The following SBSPON variants were observed in gnomAD, a reference collection of about 807,000 sequenced individuals.
SBSPON encodes somatomedin B and thrombospondin type 1 domain containing.
In SBSPON, 30 loss-of-function variants were observed where a neutral mutation model predicts 35.8. The ratio of observed to expected loss-of-function variants is 0.84; its 90% CI spans 0.63 to 1.14. The LOEUF is 1.14. Among genes scored for constraint, SBSPON ranks in the 50% most tolerant of loss-of-function variants. The pLI is 0.00. For missense variants in SBSPON, 364 were observed against 357.7 expected, an observed-to-expected ratio of 1.02 and a Z score of -0.14; for synonymous variants, 136 against 135.9, an observed-to-expected ratio of 1.00 and a Z score of 0.00.
At chr8:73,075,837 G>A in intron 2 of SBSPON, 1 of 567,368 alleles carries the variant, frequency 1.8e-6, no homozygotes, top group Non-Finnish European at 2.2e-6. Flanking sequence ...CTCCTTTTAG[G>A]AGGAAAACAC....
At chr8:73,068,638 G>A (rs1253786233) in intron 4 of SBSPON, among the ~76,000 whole-genome samples, 4 of 152,140 alleles carry the variant, frequency 2.6e-5, no homozygotes, top group Non-Finnish European at 5.9e-5. Context: ...AATTATTTCA[G>A]AGAAATCTAC....
chr8:73,074,983 C>T (rs1810565320), intron 2 of SBSPON, among the ~76,000 whole-genome samples: 1 of 152,218 alleles, frequency 6.6e-6, no homozygotes, highest in Admixed American at 6.5e-5. Context: ...TAGTAAGTGA[C>T]TAAGCAAGGA....
intron 2 of SBSPON, among the ~76,000 whole-genome samples, chr8:73,072,266 AATAAG>A (rs1431859581): frequency 6.8e-6 from 1 of 148,052 alleles, no homozygotes; most frequent in Non-Finnish European, 1.5e-5. Context: ...GAAAGGGAGA[AATAAG>A]ATAATAAAAG....
chr8:73,066,871 A>G lies in SBSPON; in HGVS notation c.*470T>C, dbSNP rs1365999312. On this transcript the variant is annotated 3_prime_UTR_variant, in exon 5 of 5. Transcript: ENST00000297354. The stretch of plus-strand genomic sequence containing the variant: ...CTTGAAATTATTTCAGAATTTATGG[A>G]ATATTAAATATATGGAAATATATGT... 6.6e-6 allele frequency: 1 copy of G among 151,500 alleles called. No homozygotes were observed. Among genetic ancestry groups the G allele is most frequent in the Non-Finnish European group, 1.5e-5 (1 of 67,698 alleles). 9.4% of individuals were successfully genotyped at this position (151,500 alleles called of 1,614,324 possible).
At chr8:73,068,423 T>G (rs1336940415) in intron 4 of SBSPON, among the ~76,000 whole-genome samples, 1 of 152,174 alleles carries the variant, frequency 6.6e-6, no homozygotes, top group Non-Finnish European at 1.5e-5. Context: ...AGGCCCATAT[T>G]TTACCTTTTA....
In SBSPON at chr8:73,081,046, G is replaced by A; in HGVS notation, c.382C>T (p.Gln128Ter). ...RAGCLEYSTPQGQDCGHTYVP... is the reference protein window; with the variant it reads ...RAGCLEYSTP ...TAGGTGTGCCCGCAGTCCTGGCCCT[G>A]CGGGGTGGAGTACTCCAGGCAGCCA... The change falls in exon 2 of 5, where the codon CAG becomes TAG. Residue 128 changes from glutamine (Q) to a stop codon, truncating the protein, a stop_gained. Transcript: ENST00000297354. LOFTEE classifies it high-confidence loss of function. 3 of 1,609,300 alleles carry A rather than the reference G, an allele frequency of 1.9e-6. No individual in the cohort carries two copies. Among genetic ancestry groups the A allele is most frequent in the Non-Finnish European group, 2.5e-6 (3 of 1,177,744 alleles).
chr8:73,081,834 G>A (rs1810711298), intron 1 of SBSPON, among the ~76,000 whole-genome samples: 2 of 152,100 alleles, frequency 1.3e-5, no homozygotes, highest in Non-Finnish European at 2.9e-5. Flanking sequence ...CATGAACTAT[G>A]AGGGCTGAAG....
chr8:73,069,684 T>G, intron 4 of SBSPON, 121 bp downstream of exon 4: 1 of 795,336 alleles, frequency 1.3e-6, no homozygotes, highest in Non-Finnish European at 2.1e-6. Flanking sequence ...CCTCACCTAC[T>G]GTTTTGACTT....
In SBSPON at chr8:73,066,829, T is replaced by C. The variant is rs568275399; in HGVS notation, c.*512A>G. The C allele has an allele frequency of 3.3e-5, 5 of 152,304 alleles. No individual in the cohort carries two copies. Among genetic ancestry groups the C allele is most frequent in the African/African-American group, 1.2e-4 (5 of 41,562 alleles). The allele number at this position is 152,304 out of a possible 1,614,324, so 9.4% of individuals were successfully genotyped here. On this transcript the variant is annotated 3_prime_UTR_variant, in exon 5 of 5. Transcript: ENST00000297354. ...TTAAATAATTTGCCCTGTGGAAAAATTATTTGTGATAATTTGCTTGAAATT... is the reference window on the plus strand; with the variant it reads ...TTAAATAATTTGCCCTGTGGAAAAACTATTTGTGATAATTTGCTTGAAATT...
intron 1 of SBSPON, among the ~76,000 whole-genome samples, chr8:73,088,395 A>T (rs947609451): frequency 6.6e-6 from 1 of 152,214 alleles, no homozygotes; most frequent in Non-Finnish European, 1.5e-5. Flanking sequence ...GTAAGAAGGA[A>T]AAGAGGGCCA....
Position 73,093,103 on chromosome 8 carries a change from C to A in SBSPON, c.-36G>T, listed in dbSNP as rs1810969987. The stretch of plus-strand genomic sequence containing the variant: ...CCGGCGGCGCCTGCGACGCGACAGA[C>A]CCCCGGGGCAAGCGCTCTGATCCTC... On this transcript the variant is annotated 5_prime_UTR_variant, in exon 1 of 5. Coordinates refer to ENST00000297354, the MANE Select transcript of SBSPON (RefSeq NM_153225.4). The A allele has an allele frequency of 1.7e-6, 2 of 1,160,936 alleles. No homozygotes were observed. The highest frequency in any genetic ancestry group is 5.3e-5 in the South Asian group (2 of 37,730). 71.9% of individuals were successfully genotyped at this position (1,160,936 alleles called of 1,614,324 possible).
intron 1 of SBSPON, 40 bp downstream of exon 1, chr8:73,092,814 G>A: frequency 6.5e-7 from 1 of 1,535,558 alleles, no homozygotes; most frequent in Non-Finnish European, 9.0e-7. Context: ...GTTGGTTGCA[G>A]GCTAACGGCC....
intron 1 of SBSPON, among the ~76,000 whole-genome samples, chr8:73,088,050 T>C (rs1465912206): frequency 6.6e-6 from 1 of 152,206 alleles, no homozygotes; most frequent in Non-Finnish European, 1.5e-5. Flanking sequence ...GGAGCTGTGA[T>C]GCTCCCTTGG....
chr8:73,079,467 T>C (rs532309868), intron 2 of SBSPON, among the ~76,000 whole-genome samples: 49 of 152,194 alleles, frequency 3.2e-4, no homozygotes, highest in South Asian at 2.9e-3. Context: ...AGCTTTTCCC[T>C]TGATCAGCTC....
intron 1 of SBSPON, chr8:73,085,755 A>G (rs996897696): frequency 6.6e-6 from 1 of 152,184 alleles, no homozygotes; most frequent in African/African-American, 2.4e-5. Flanking sequence ...ACACAGAGAC[A>G]ACAAAATGAG....
chr8:73,080,840 T>C (rs183667743), intron 2 of SBSPON, among the ~76,000 whole-genome samples, 179 bp downstream of exon 2: 2 of 152,282 alleles, frequency 1.3e-5, no homozygotes, highest in African/African-American at 4.8e-5. Context: ...TCTGCACAGC[T>C]GGCCATAATT....
chr8:73,083,163 A>C (rs1003211797), intron 1 of SBSPON, among the ~76,000 whole-genome samples: 4 of 152,154 alleles, frequency 2.6e-5, no homozygotes, highest in Non-Finnish European at 5.9e-5. Context: ...GAAGTCCTCA[A>C]AATTACAGAA....
chr8:73,088,642 C>G (rs2130041651), intron 1 of SBSPON, among the ~76,000 whole-genome samples: 1 of 152,034 alleles, frequency 6.6e-6, no homozygotes, highest in Admixed American at 6.5e-5. Context: ...GAGATCACGC[C>G]ACTGCACTCC....
chr8:73,092,804 G>C lies in SBSPON; in HGVS notation c.214+50C>G, dbSNP rs577308288. 9 of 1,467,496 alleles carry C rather than the reference G, an allele frequency of 6.1e-6. No homozygotes were observed. In the East Asian group the frequency reaches 2.1e-4, roughly 34 times the overall value. 90.9% of individuals were successfully genotyped at this position (1,467,496 alleles called of 1,614,324 possible). A position where few individuals can be genotyped will look rare whatever the true frequency, so the allele number is the denominator to read the frequency against. On this transcript the variant is annotated intron_variant, in intron 1 of 4. Transcript: ENST00000297354. ...TGGCACAGCGCCCTGCCCTGTGCCC[G>C]TTGGTTGCAGGCTAACGGCCGGCGC...
Sources: allele counts gnomAD v4.1 joint callset (sites outside exome capture counted in the v4.1 genomes callset), GRCh38; gene constraint gnomAD v4.1.1; transcripts MANE v1.5; gene names NCBI Gene and HGNC (gene_info 2026-07-23, HGNC 2026-07-21).